The following CRACD variants were observed in gnomAD, a reference collection of about 807,000 sequenced individuals.
CRACD encodes capping protein-inhibiting regulator of actin dynamics.
A neutral mutation model predicts 106.8 loss-of-function variants in CRACD; 56 were observed. The observed-to-expected ratio is 0.52, with a 90% CI of 0.42 to 0.66. The LOEUF (loss-of-function observed/expected upper bound fraction) is 0.66, where lower values mean the gene tolerates loss of function less well. Ranked by LOEUF, CRACD falls within the 30% of genes least tolerant of loss-of-function variation. CRACD has a pLI of 0.00. For missense variants in CRACD, 1,730 were observed against 1,623.2 expected, an observed-to-expected ratio of 1.07 and a Z score of -1.13; for synonymous variants, 754 against 670.8, an observed-to-expected ratio of 1.12 and a Z score of -1.92.
At chr4:56,108,274 T>C (rs77579978) in intron 1 of CRACD, among the ~76,000 whole-genome samples, 3,748 of 152,302 alleles carry the variant, frequency 0.025, 157 homozygotes, top group African/African-American at 0.085. Context: ...GGTATAATCC[T>C]GTATCATTAA....
At chr4:56,069,265 A>G (rs1732557737) in intron 1 of CRACD, among the ~76,000 whole-genome samples, 1 of 152,224 alleles carries the variant, frequency 6.6e-6, no homozygotes, top group Admixed American at 6.5e-5. Context: ...ACACTAATAC[A>G]GATACCTGTT....
chr4:56,327,783 C>A lies in CRACD; in HGVS notation c.3681C>A (p.Asp1227Glu). The stretch of plus-strand genomic sequence containing the variant: ...AAAGGAAAGCAAAGGCTTGGAGCGA[C>A]TGTCCACAGATTATTAAGTAAAGAG... Reference protein sequence around the residue: ...LAKRKAKAWSDCPQIIK With the variant: ...LAKRKAKAWSECPQIIK The change falls in exon 11 of 11, where the codon GAC (aspartate) becomes GAA (glutamate). Residue 1227 changes from aspartate (D) to glutamate (E), a missense_variant. Transcript: ENST00000682029. The A allele has an allele frequency of 6.2e-7, 1 of 1,614,184 alleles. No homozygotes were observed. Among genetic ancestry groups the A allele is most frequent in the Non-Finnish European group, 8.5e-7 (1 of 1,180,004 alleles).
Position 56,314,076 on chromosome 4 carries a change from C to T in CRACD, c.574C>T (p.Pro192Ser), listed in dbSNP as rs1577900047. 6.2e-7 allele frequency: 1 copy of T among 1,614,130 alleles called. No homozygotes were observed. Among genetic ancestry groups the T allele is most frequent in the Non-Finnish European group, 8.5e-7 (1 of 1,180,022 alleles). ...QHEQGGLESR[P>S]CLDQNGHPGE... ...TGAGCAAGGCGGCCTTGAGAGTCGG[C>T]CCTGCCTGGACCAGAACGGACACCC... The change falls in exon 8 of 11, where the codon CCC becomes TCC. Residue 192 changes from proline (P) to serine (S), a missense_variant. Around this residue, in one of 5 missense-constraint regions of CRACD, gnomAD observed 1,620 missense variants for 1,481.6 expected, o/e 1.09. Coordinates refer to ENST00000682029, the MANE Select transcript of CRACD (RefSeq NM_001393381.1). This position sits in a 1 kb window ranked among gnomAD's most constrained non-coding sequence, Gnocchi z 4.4.
intron 1 of CRACD, among the ~76,000 whole-genome samples, chr4:56,121,311 T>A (rs928756970): frequency 3.3e-5 from 5 of 152,318 alleles, no homozygotes; most frequent in Middle Eastern, 3.4e-3. Flanking sequence ...TTCACTGTTT[T>A]AAATGCAAAT....
intron 1 of CRACD, among the ~76,000 whole-genome samples, chr4:56,130,220 G>A (rs375336504): frequency 3.3e-5 from 5 of 152,006 alleles, no homozygotes; most frequent in East Asian, 1.9e-4. Context: ...ATAGCAAGCC[G>A]TAAACTGTAC....
At chr4:56,257,764 C>A (rs1192219134) in intron 2 of CRACD, among the ~76,000 whole-genome samples, 2 of 152,192 alleles carry the variant, frequency 1.3e-5, no homozygotes, top group East Asian at 1.9e-4. Context: ...GAGTCTGGTA[C>A]CTTTTTAAGT....
chr4:56,132,519 A>AT (rs1560460128), intron 1 of CRACD, among the ~76,000 whole-genome samples: 2 of 151,746 alleles, frequency 1.3e-5, no homozygotes, highest in African/African-American at 2.4e-5. Context: ...ATTTTTTTGT[A>AT]TTTTTTGTAG....
At chr4:56,095,390 G>T (rs1327678029) in intron 1 of CRACD, among the ~76,000 whole-genome samples, 1 of 152,160 alleles carries the variant, frequency 6.6e-6, no homozygotes, top group Admixed American at 6.6e-5. Flanking sequence ...GAGAAATAGC[G>T]ACGGCAGTAG....
At chr4:56,318,289 C>T (rs1745820389) in intron 8 of CRACD, among the ~76,000 whole-genome samples, 1 of 152,170 alleles carries the variant, frequency 6.6e-6, no homozygotes, top group Non-Finnish European at 1.5e-5. Context: ...AGCCACCGCA[C>T]CCAGCTTGTC....
At chr4:56,174,761 T>C (rs1353922975) in intron 1 of CRACD, among the ~76,000 whole-genome samples, 1 of 152,206 alleles carries the variant, frequency 6.6e-6, no homozygotes, top group Non-Finnish European at 1.5e-5. Flanking sequence ...TACAGTGTAT[T>C]AGTCTGTTTT....
intron 2 of CRACD, among the ~76,000 whole-genome samples, chr4:56,216,950 G>A (rs1459214133): frequency 7.3e-6 from 1 of 137,904 alleles, no homozygotes; most frequent in Non-Finnish European, 1.5e-5. Context: ...ACTGCAGTCC[G>A]CAGTCCGGCC....
chr4:56,120,800 T>G (rs1433136594), intron 1 of CRACD, among the ~76,000 whole-genome samples: 1 of 152,246 alleles, frequency 6.6e-6, no homozygotes, highest in Non-Finnish European at 1.5e-5. Context: ...AGTTAGCAGT[T>G]TGGGCCTTGT....
chr4:56,115,384 T>C (rs928044935), intron 1 of CRACD, among the ~76,000 whole-genome samples: 2 of 152,218 alleles, frequency 1.3e-5, no homozygotes, highest in African/African-American at 4.8e-5. Context: ...GGTTTCAGTT[T>C]CCTCCTTTGT....
intron 1 of CRACD, among the ~76,000 whole-genome samples, chr4:56,084,902 G>A (rs1420185328): frequency 6.6e-6 from 1 of 152,110 alleles, no homozygotes; most frequent in Admixed American, 6.6e-5. Context: ...TTAGGTGATC[G>A]GATTGCATAT....
Position 56,162,397 on chromosome 4 carries a change from A to G in CRACD, c.-335-16887A>G, listed in dbSNP as rs1310050404. Among the ~76,000 whole-genome samples, 3 of 151,932 alleles carry G rather than the reference A, an allele frequency of 2.0e-5. No individual in the cohort carries two copies. The East Asian group carries it at 5.9e-4, about 30-fold the overall frequency. On this transcript the variant is annotated intron_variant, in intron 1 of 10. Transcript: ENST00000682029. ...TTTTTTTGTTTTTGTTTTAAGAAAT[A>G]GGGGTCTGGCTATGTTGTCCAGGCT... is the stretch of plus-strand genomic sequence containing the variant.
intron 1 of CRACD, among the ~76,000 whole-genome samples, chr4:56,063,087 A>G (rs542527650): frequency 6.6e-6 from 1 of 152,232 alleles, no homozygotes; most frequent in Non-Finnish European, 1.5e-5. Context: ...GAAGGAAGAG[A>G]AGAAGGAAAG....
intron 2 of CRACD, among the ~76,000 whole-genome samples, chr4:56,179,916 C>T (rs1053204679): frequency 6.6e-6 from 1 of 151,944 alleles, no homozygotes; most frequent in Non-Finnish European, 1.5e-5. Flanking sequence ...ACTCAGGAGG[C>T]TGAGGCAGGA....
intron 1 of CRACD, among the ~76,000 whole-genome samples, chr4:56,103,027 T>C (rs1278971460): frequency 1.3e-5 from 2 of 152,226 alleles, no homozygotes; most frequent in Non-Finnish European, 2.9e-5. Flanking sequence ...GTACTAGCCC[T>C]TGAGTCTGAG....
chr4:56,239,786 C>T (rs1740252380), intron 2 of CRACD, among the ~76,000 whole-genome samples: 1 of 152,146 alleles, frequency 6.6e-6, no homozygotes, highest in Non-Finnish European at 1.5e-5. Context: ...ACCCCCGCTC[C>T]CACCCCCTGC....
Sources: allele counts gnomAD v4.1 joint callset (sites outside exome capture counted in the v4.1 genomes callset), GRCh38; gene constraint gnomAD v4.1.1; regional missense constraint gnomAD v4.1.1; non-coding constraint Gnocchi (gnomAD v3.1); transcripts MANE v1.5; gene names NCBI Gene and HGNC (gene_info 2026-07-23, HGNC 2026-07-21).